HS3ST4: variants seen among roughly 807,000 people sequenced by gnomAD.
HS3ST4 encodes the protein heparan sulfate-glucosamine 3-sulfotransferase 4.
HS3ST4 carries 17 observed loss-of-function variants against 29.2 expected under a neutral mutation model. The ratio of observed to expected loss-of-function variants is 0.58; its 90% CI spans 0.40 to 0.87. The LOEUF is 0.87. Ranked by LOEUF, HS3ST4 falls within the 40% of genes least tolerant of loss-of-function variation. The probability of loss-of-function intolerance (pLI) is 0.00; values close to 1 mark genes in which losing one functional copy is unlikely to be tolerated. For missense variants in HS3ST4, 627 were observed against 634.5 expected (o/e 0.99, Z 0.13); for synonymous variants, 314 against 285.7 (o/e 1.10, Z -1.00).
intron 1 of HS3ST4, among the ~76,000 whole-genome samples, chr16:25,888,792 C>A (rs1372886709): frequency 6.6e-6 from 1 of 152,086 alleles, no homozygotes; most frequent in African/African-American, 2.4e-5. Flanking sequence ...ACAACAACAA[C>A]AAAACAACAA....
chr16:25,960,983 G>A (rs9938482), intron 1 of HS3ST4, among the ~76,000 whole-genome samples: 2 of 152,118 alleles, frequency 1.3e-5, no homozygotes, highest in African/African-American at 4.8e-5. Flanking sequence ...TTGAACTATT[G>A]CCTTCTCCTC....
At chr16:25,872,905 T>TGTTTC (rs1967770299) in intron 1 of HS3ST4, among the ~76,000 whole-genome samples, 1 of 152,060 alleles carries the variant, frequency 6.6e-6, no homozygotes, top group South Asian at 2.1e-4. Flanking sequence ...TGTTTTGTTT[T>TGTTTC]GTTTCGTTTT....
At chr16:26,051,493 T>G (rs575255813) in intron 1 of HS3ST4, among the ~76,000 whole-genome samples, 1 of 152,100 alleles carries the variant, frequency 6.6e-6, no homozygotes, top group African/African-American at 2.4e-5. Flanking sequence ...GAGTGGTCAA[T>G]ATTATTGTGT....
rs1484396299 is a variant in HS3ST4 at position 26,071,996 on chromosome 16, A to T, written c.735-63616A>T. The stretch of plus-strand genomic sequence containing the variant: ...CATCTTCTCCTCCGATGGGCCCTTC[A>T]CATCTATGAAGTAGCCTTTCCCTAT... On this transcript the variant is annotated intron_variant, in intron 1 of 1. Transcript: ENST00000331351. 2.0e-5 allele frequency among the ~76,000 whole-genome samples: 3 copies of T among 152,124 alleles called. No homozygotes were observed. In the East Asian group the frequency reaches 5.8e-4, roughly 29 times the overall value.
chr16:26,077,813 A>G (rs558464582), intron 1 of HS3ST4, among the ~76,000 whole-genome samples: 1 of 152,382 alleles, frequency 6.6e-6, no homozygotes, highest in Admixed American at 6.5e-5. Context: ...GCTTATGCCT[A>G]TAATTCCAAC....
chr16:25,864,346 A>AATTTTAACTTTTTTAATAAT (rs58990420), intron 1 of HS3ST4, among the ~76,000 whole-genome samples: 27,383 of 152,178 alleles, frequency 0.18, 2,728 homozygotes, highest in African/African-American at 0.27. Flanking sequence ...AACAACTTTT[A>AATTTTAACTTTTTTAATAAT]AGTGTGCAAA....
At chr16:26,031,276 G>T (rs1272474813) in intron 1 of HS3ST4, among the ~76,000 whole-genome samples, 1 of 152,136 alleles carries the variant, frequency 6.6e-6, no homozygotes, top group Admixed American at 6.6e-5. Context: ...CCCGCCCCGG[G>T]AAGAACCAGA....
chr16:25,706,471 C>T (rs1034910789), intron 1 of HS3ST4, among the ~76,000 whole-genome samples: 4 of 151,984 alleles, frequency 2.6e-5, no homozygotes, highest in African/African-American at 9.7e-5. Context: ...CCTATCAACC[C>T]GTCATCTAGG....
At chr16:25,904,183 G>C (rs141168669) in intron 1 of HS3ST4, among the ~76,000 whole-genome samples, 5,642 of 149,148 alleles carry the variant, frequency 0.038, 131 homozygotes, top group Middle Eastern at 0.064. Context: ...TGGATGGATG[G>C]ACGGATGGAC....
intron 1 of HS3ST4, among the ~76,000 whole-genome samples, chr16:26,054,269 G>GGAGAAAGAGAGAGA (rs1555481159): frequency 1.7e-4 from 23 of 133,646 alleles, no homozygotes; most frequent in African/African-American, 4.9e-4. Context: ...ACAGAGAGAG[G>GGAGAAAGAGAGAGA]GAGAGAGAGA....
chr16:26,126,966 A>G (rs1899352261), intron 1 of HS3ST4, among the ~76,000 whole-genome samples: 2 of 152,130 alleles, frequency 1.3e-5, no homozygotes, highest in African/African-American at 4.8e-5. Flanking sequence ...GATAAAAATT[A>G]GCCGGACCAT....
At chr16:26,019,650 A>G (rs1051624765) in intron 1 of HS3ST4, among the ~76,000 whole-genome samples, 1 of 151,830 alleles carries the variant, frequency 6.6e-6, no homozygotes, top group African/African-American at 2.4e-5. Flanking sequence ...GATCTAGAAC[A>G]CCACTTCTTA....
chr16:25,812,592 T>C (rs1178586013), intron 1 of HS3ST4, among the ~76,000 whole-genome samples: 1 of 152,190 alleles, frequency 6.6e-6, no homozygotes, highest in African/African-American at 2.4e-5. Flanking sequence ...GTAAGAACAA[T>C]GAAGACCAGC....
At chr16:26,111,877 C>T (rs765605110) in intron 1 of HS3ST4, among the ~76,000 whole-genome samples, 29 of 151,936 alleles carry the variant, frequency 1.9e-4, no homozygotes, top group Non-Finnish European at 3.4e-4. Flanking sequence ...ATTAGCCAGG[C>T]ATGATGATGG....
chr16:25,706,196 G>A (rs1393051848), intron 1 of HS3ST4, among the ~76,000 whole-genome samples: 1 of 151,996 alleles, frequency 6.6e-6, no homozygotes, highest in African/African-American at 2.4e-5. Context: ...AAAAACCTAC[G>A]GAGCTACGGG....
chr16:25,748,358 A>G (rs558273212), intron 1 of HS3ST4, among the ~76,000 whole-genome samples: 2 of 152,262 alleles, frequency 1.3e-5, no homozygotes, highest in South Asian at 4.1e-4. Flanking sequence ...GTGCATTGCT[A>G]GCTTTTTCCC....
chr16:26,047,077 A>G (rs1898280387), intron 1 of HS3ST4, among the ~76,000 whole-genome samples: 1 of 152,258 alleles, frequency 6.6e-6, no homozygotes, highest in Non-Finnish European at 1.5e-5. Flanking sequence ...TTAAAATAAT[A>G]CATGATTGCT....
At chr16:25,872,035 G>C (rs919830324) in intron 1 of HS3ST4, among the ~76,000 whole-genome samples, 1 of 152,140 alleles carries the variant, frequency 6.6e-6, no homozygotes, top group Admixed American at 6.6e-5. Context: ...CAACCACTTA[G>C]CCATGTAGGG....
At chr16:25,981,916 A>G (rs1475683746) in intron 1 of HS3ST4, among the ~76,000 whole-genome samples, 1 of 152,228 alleles carries the variant, frequency 6.6e-6, no homozygotes, top group Non-Finnish European at 1.5e-5. Flanking sequence ...TTGGTGCTCA[A>G]CAAATGGCCT....
Sources: gnomAD v4.1 joint callset for allele counts (sites outside exome capture counted in the v4.1 genomes callset) on GRCh38, gnomAD v4.1.1 for gene constraint, MANE v1.5 for transcripts, NCBI Gene and HGNC (gene_info 2026-07-23, HGNC 2026-07-21) for gene names.